Variants in CNTN3 observed in about 807,000 individuals in gnomAD.
CNTN3 encodes contactin-3.
In CNTN3, 60 loss-of-function variants were observed where a neutral mutation model predicts 119.1. That is an observed-to-expected ratio of 0.50 (90% CI 0.41 to 0.62). The LOEUF (loss-of-function observed/expected upper bound fraction) is 0.62. CNTN3 is among the 20% of genes least tolerant of loss of function. The pLI is 0.00. For synonymous variants in CNTN3, 450 were observed against 438.7 expected (o/e 1.03, Z -0.32); for missense variants, 1,101 against 1,242.4 (o/e 0.89, Z 1.71).
intron 13 of CNTN3, among the ~76,000 whole-genome samples, chr3:74,322,273 A>G (rs1703014881): frequency 6.6e-6 from 1 of 152,146 alleles, no homozygotes; most frequent in African/African-American, 2.4e-5. Flanking sequence ...GTTAGACAAA[A>G]TATAGAAAAA....
intron 1 of CNTN3, among the ~76,000 whole-genome samples, chr3:74,606,741 C>T (rs1304247146): frequency 2.0e-5 from 3 of 152,050 alleles, no homozygotes; most frequent in African/African-American, 4.8e-5. Flanking sequence ...TATGGAAATA[C>T]ACCCTTCACT....
chr3:74,382,694 G>T (rs1253642736), intron 5 of CNTN3, among the ~76,000 whole-genome samples: 1 of 152,192 alleles, frequency 6.6e-6, no homozygotes, highest in Non-Finnish European at 1.5e-5. Context: ...ACAAATGACA[G>T]AATTTCCTCC....
chr3:74,475,126 G>A (rs1045933445), intron 4 of CNTN3, among the ~76,000 whole-genome samples: 3 of 151,922 alleles, frequency 2.0e-5, no homozygotes, highest in Non-Finnish European at 2.9e-5. Context: ...TGCCTTCTCT[G>A]GTCCATCCCA....
chr3:74,562,421 T>G (rs1424578063), intron 1 of CNTN3, among the ~76,000 whole-genome samples: 1 of 152,216 alleles, frequency 6.6e-6, no homozygotes, highest in Non-Finnish European at 1.5e-5. Context: ...AGCACACACG[T>G]CATTATTCCT....
chr3:74,388,445 A>G (rs1426284327), intron 5 of CNTN3, among the ~76,000 whole-genome samples: 1 of 152,154 alleles, frequency 6.6e-6, no homozygotes, highest in East Asian at 1.9e-4. Context: ...GAAAAATTAT[A>G]ACAAGTGAGT....
At chr3:74,344,602 C>G (rs1238888488) in intron 11 of CNTN3, among the ~76,000 whole-genome samples, 1 of 151,248 alleles carries the variant, frequency 6.6e-6, no homozygotes. Context: ...GGACTACAGG[C>G]GGCCGACACC....
At chr3:74,329,903 A>G (rs1014204623) in intron 13 of CNTN3, among the ~76,000 whole-genome samples, 1 of 152,302 alleles carries the variant, frequency 6.6e-6, no homozygotes, top group African/African-American at 2.4e-5. Flanking sequence ...ACACCATCAT[A>G]TATGAAGATA....
intron 14 of CNTN3, 36 bp from the exon 15 acceptor site, chr3:74,301,841 T>C (rs756703644): frequency 6.2e-7 from 1 of 1,605,480 alleles, no homozygotes. Context: ...TGAGTAGCAG[T>C]TCCATAAATG....
intron 11 of CNTN3, among the ~76,000 whole-genome samples, chr3:74,361,632 G>A (rs963207540): frequency 1.1e-4 from 17 of 152,106 alleles, no homozygotes; most frequent in Non-Finnish European, 2.2e-4. Flanking sequence ...TCTTCCCAGC[G>A]ATTCAGGAAG....
intron 5 of CNTN3, among the ~76,000 whole-genome samples, chr3:74,416,574 T>C (rs1701526174): frequency 6.6e-6 from 1 of 152,184 alleles, no homozygotes; most frequent in South Asian, 2.1e-4. Context: ...AAGGTTTTCA[T>C]TGTTACAGAG....
chr3:74,523,636 G>C (rs1205258808), intron 1 of CNTN3, among the ~76,000 whole-genome samples: 1 of 151,788 alleles, frequency 6.6e-6, no homozygotes, highest in Non-Finnish European at 1.5e-5. Flanking sequence ...ATAGGTAGTT[G>C]GGAATTTCAG....
intron 1 of CNTN3, among the ~76,000 whole-genome samples, chr3:74,597,690 A>T (rs951398763): frequency 6.6e-6 from 1 of 152,078 alleles, no homozygotes; most frequent in African/African-American, 2.4e-5. Flanking sequence ...CAACATATTT[A>T]AAACAAGCTT....
At chr3:74,453,241 T>G (rs1407746861) in intron 4 of CNTN3, among the ~76,000 whole-genome samples, 1 of 107,232 alleles carries the variant, frequency 9.3e-6, no homozygotes, top group Non-Finnish European at 2.1e-5. Context: ...TGGTTTAGTC[T>G]TGGAAGAGTG....
At chr3:74,437,236 A>C (rs991720302) in intron 4 of CNTN3, among the ~76,000 whole-genome samples, 1 of 152,180 alleles carries the variant, frequency 6.6e-6, no homozygotes, top group Non-Finnish European at 1.5e-5. Flanking sequence ...AGGTGGGCGG[A>C]TCACGAGGTC....
In CNTN3 at chr3:74,338,165, T is replaced by C. The variant is rs373754166; in HGVS notation, c.1365-1507A>G. 2.6e-5 allele frequency among the ~76,000 whole-genome samples: 4 copies of C among 152,176 alleles called. No individual in the cohort carries two copies. In the East Asian group the frequency reaches 7.8e-4, roughly 30 times the overall value. On this transcript the variant is annotated intron_variant, in intron 11 of 22. Coordinates refer to ENST00000263665, the MANE Select transcript of CNTN3 (RefSeq NM_020872.3). ...AATATTTGCAACCCCAGTATCAGCA[T>C]GGCGTCATATATGCCAACTATGGTA...
chr3:74,501,775 G>T (rs1285673082), intron 2 of CNTN3, among the ~76,000 whole-genome samples: 1 of 90,090 alleles, frequency 1.1e-5, no homozygotes, highest in African/African-American at 4.2e-5. Flanking sequence ...TCATCTATCA[G>T]GGGAAATTGC....
chr3:74,287,027 A>G (rs1007150785), intron 19 of CNTN3, among the ~76,000 whole-genome samples: 1 of 152,218 alleles, frequency 6.6e-6, no homozygotes, highest in Non-Finnish European at 1.5e-5. Context: ...AAGCCTGTAC[A>G]TACTAACCAT....
chr3:74,431,889 G>A (rs933540884), intron 4 of CNTN3, among the ~76,000 whole-genome samples: 7 of 152,136 alleles, frequency 4.6e-5, no homozygotes, highest in Admixed American at 3.9e-4. Flanking sequence ...CATTGTCATT[G>A]AAAACTGGAT....
At chr3:74,599,056 A>G (rs988562049) in intron 1 of CNTN3, among the ~76,000 whole-genome samples, 2 of 152,114 alleles carry the variant, frequency 1.3e-5, no homozygotes, top group Admixed American at 6.6e-5. Flanking sequence ...AGTGGTTAGC[A>G]TAACACTTAA....
Sources: gnomAD v4.1 joint callset for allele counts (sites outside exome capture counted in the v4.1 genomes callset) on GRCh38, gnomAD v4.1.1 for gene constraint, MANE v1.5 for transcripts, NCBI Gene and HGNC (gene_info 2026-07-23, HGNC 2026-07-21) for gene names.